WIPF3: variants seen among roughly 807,000 people sequenced by gnomAD.
WIPF3 encodes the protein WAS/WASL interacting protein family member 3, also known as WAS/WASL-interacting protein family member 3.
In WIPF3, 33 loss-of-function variants were observed where a neutral mutation model predicts 38.9. The observed-to-expected ratio is 0.85, with a 90% CI of 0.64 to 1.14. The LOEUF (loss-of-function observed/expected upper bound fraction) is 1.14, where lower values mean the gene tolerates loss of function less well. Ranked by LOEUF, WIPF3 falls within the 50% of genes most tolerant of loss-of-function variation. The pLI is 0.00. For synonymous variants in WIPF3, 324 were observed against 269.3 expected (o/e 1.20, Z -1.99); for missense variants, 711 against 652.5 (o/e 1.09, Z -0.98).
intron 2 of WIPF3, among the ~76,000 whole-genome samples, chr7:29,863,635 C>T (rs1251722061): frequency 1.3e-5 from 2 of 152,190 alleles, no homozygotes; most frequent in Non-Finnish European, 2.9e-5. Flanking sequence ...ATTGGAATTG[C>T]ATTGAATTTA....
intron 3 of WIPF3, among the ~76,000 whole-genome samples, chr7:29,876,170 C>T (rs1362111134): frequency 6.6e-6 from 1 of 152,214 alleles, no homozygotes; most frequent in South Asian, 2.1e-4. Context: ...AACTTCCATC[C>T]TTTTCATATG....
chr7:29,861,530 A>G (rs971444086), intron 2 of WIPF3, among the ~76,000 whole-genome samples: 4 of 152,202 alleles, frequency 2.6e-5, no homozygotes, highest in African/African-American at 9.7e-5. Flanking sequence ...CTGTTAGCAT[A>G]GTAGTTTATA....
intron 8 of WIPF3, among the ~76,000 whole-genome samples, chr7:29,908,375 T>G (rs1786440178): frequency 6.6e-6 from 1 of 152,074 alleles, no homozygotes; most frequent in Non-Finnish European, 1.5e-5. Flanking sequence ...AGAATTAAAG[T>G]GAGAAACAGA....
chr7:29,830,383 C>T lies in WIPF3; in HGVS notation c.-57-4285C>T, dbSNP rs906450204. Among the ~76,000 whole-genome samples, 8 of 151,844 alleles carry T rather than the reference C, an allele frequency of 5.3e-5. No individual in the cohort carries two copies. In the East Asian group the frequency reaches 1.5e-3, roughly 29 times the overall value. On this transcript the variant is annotated intron_variant, in intron 1 of 8. Transcript: ENST00000242140. ...AATGGAAGCAGGGATATAACTTGACCTGAATCATATCAAGCTAATAAAGTA... is the reference window on the plus strand; with the variant it reads ...AATGGAAGCAGGGATATAACTTGACTTGAATCATATCAAGCTAATAAAGTA...
intron 2 of WIPF3, among the ~76,000 whole-genome samples, chr7:29,849,914 T>C (rs1023694210): frequency 6.6e-6 from 1 of 152,210 alleles, no homozygotes; most frequent in Non-Finnish European, 1.5e-5. Flanking sequence ...CGTGGTGGAA[T>C]AGTTATTTAA....
At chr7:29,860,667 C>A (rs1038249109) in intron 2 of WIPF3, among the ~76,000 whole-genome samples, 4 of 152,202 alleles carry the variant, frequency 2.6e-5, no homozygotes, top group African/African-American at 9.6e-5. Flanking sequence ...ATGATCTACT[C>A]CCATCGCTAA....
intron 7 of WIPF3, among the ~76,000 whole-genome samples, chr7:29,892,548 C>T (rs764427241): frequency 1.3e-5 from 2 of 152,234 alleles, no homozygotes; most frequent in African/African-American, 4.8e-5. Context: ...GTTCTAGGTG[C>T]TTTGCATACC....
rs1463478117 is a variant in WIPF3, at chr7:29,875,923, G to A, written c.184G>A (p.Val62Ile). The change falls in exon 3 of 9, where the codon GTC becomes ATC. Residue 62 changes from valine (V) to isoleucine (I), a missense_variant. Coordinates refer to ENST00000242140, the MANE Select transcript of WIPF3 (RefSeq NM_001080529.3). ...CCAGCAAGGAACTCGCCTGCGCAAA[G>A]TCACGCAGATCAACGACCGCAGTGC... ...DIQQGTRLRK[V>I]TQINDRSAPQ... The A allele has an allele frequency of 3.7e-6, 6 of 1,613,958 alleles. No homozygotes were observed. The highest frequency in any genetic ancestry group is 1.3e-5 in the African/African-American group (1 of 74,958).
intron 2 of WIPF3, among the ~76,000 whole-genome samples, chr7:29,860,884 A>G (rs1304241361): frequency 6.6e-6 from 1 of 152,090 alleles, no homozygotes. Context: ...CTGTATCACA[A>G]TAGGAGTAAG....
intron 2 of WIPF3, 99 bp from the exon 3 acceptor site, chr7:29,875,731 G>T: frequency 2.0e-6 from 3 of 1,507,234 alleles, no homozygotes; most frequent in Non-Finnish European, 2.7e-6. Flanking sequence ...AGTGGGACGG[G>T]GAAGACAGAG....
chr7:29,903,801 T>C (rs779063893), intron 7 of WIPF3, among the ~76,000 whole-genome samples: 1 of 152,184 alleles, frequency 6.6e-6, no homozygotes, highest in East Asian at 1.9e-4. Flanking sequence ...AGAGGAACTT[T>C]GAGGTTTTTT....
chr7:29,821,535 C>T (rs751731721), intron 1 of WIPF3, among the ~76,000 whole-genome samples: 8 of 152,196 alleles, frequency 5.3e-5, no homozygotes, highest in Non-Finnish European at 7.3e-5. Context: ...GTGATTCTCT[C>T]GCCTTGGCCT....
intron 7 of WIPF3, among the ~76,000 whole-genome samples, chr7:29,889,792 C>T (rs934823338): frequency 3.3e-5 from 5 of 152,152 alleles, no homozygotes; most frequent in African/African-American, 7.2e-5. Context: ...TCTGGCAAAT[C>T]GTGACATGGA....
intron 2 of WIPF3, among the ~76,000 whole-genome samples, chr7:29,866,230 T>C (rs946583743): frequency 1.3e-5 from 2 of 152,260 alleles, no homozygotes; most frequent in African/African-American, 2.4e-5. Flanking sequence ...CATCTTGAAC[T>C]TTCTAGAAAT....
rs1050308661 is a variant in WIPF3 at position 29,863,114 on chromosome 7, G to T, written c.91-12716G>T. ...GTAAGACTGACTTTTGCAGGGGAGG[G>T]TAACAACTTTGTAAATTGCAACACA... On this transcript the variant is annotated intron_variant, in intron 2 of 8. Coordinates refer to ENST00000242140, the MANE Select transcript of WIPF3 (RefSeq NM_001080529.3). Among the ~76,000 whole-genome samples the T allele has an allele frequency of 2.6e-5, 4 of 152,038 alleles. No individual in the cohort carries two copies. In the South Asian group the frequency reaches 6.2e-4, roughly 24 times the overall value.
chr7:29,808,062 A>T (rs1263667216), intron 1 of WIPF3, among the ~76,000 whole-genome samples: 1 of 152,176 alleles, frequency 6.6e-6, no homozygotes, highest in African/African-American at 2.4e-5. Flanking sequence ...GACATGAGGG[A>T]GGCTTCTGGG....
At chr7:29,882,703 A>G (rs174963) in intron 4 of WIPF3, among the ~76,000 whole-genome samples, 118,786 of 152,112 alleles carry the variant, frequency 0.78, 46,768 homozygotes, top group East Asian at 0.95. Context: ...AGATGCTGGG[A>G]TTTCTAATCT....
intron 2 of WIPF3, among the ~76,000 whole-genome samples, chr7:29,838,837 A>G (rs1447162495): frequency 6.6e-6 from 1 of 152,208 alleles, no homozygotes; most frequent in Non-Finnish European, 1.5e-5. Flanking sequence ...GGCAGAATGG[A>G]TTGATAAAAT....
chr7:29,830,185 A>T (rs1004841930), intron 1 of WIPF3, among the ~76,000 whole-genome samples: 2 of 151,404 alleles, frequency 1.3e-5, no homozygotes, highest in Non-Finnish European at 2.9e-5. Context: ...CTTGCCTGTG[A>T]CTTCAGCGAG....
Sources: allele counts gnomAD v4.1 joint callset (sites outside exome capture counted in the v4.1 genomes callset), GRCh38; gene constraint gnomAD v4.1.1; transcripts MANE v1.5; gene names NCBI Gene and HGNC (gene_info 2026-07-23, HGNC 2026-07-21).